The following DAB2IP variants were observed in gnomAD, a reference collection of about 807,000 sequenced individuals.
DAB2IP encodes disabled homolog 2-interacting protein.
Under a neutral mutation model 107.2 loss-of-function variants are expected in DAB2IP, and 28 were observed. The ratio of observed to expected loss-of-function variants is 0.26; its 90% CI spans 0.19 to 0.36. The LOEUF is 0.36. DAB2IP is among the 10% of genes least tolerant of loss of function. The pLI, the probability that DAB2IP is intolerant of heterozygous loss-of-function variation, is 1.00. For missense variants in DAB2IP, 1,400 were observed against 1,644.7 expected (o/e 0.85, Z 2.57); for synonymous variants, 755 against 706.4 (o/e 1.07, Z -1.09).
At chr9:121,589,843 G>A (rs1388054808) in intron 1 of DAB2IP, among the ~76,000 whole-genome samples, 1 of 152,164 alleles carries the variant, frequency 6.6e-6, no homozygotes, top group South Asian at 2.1e-4. Flanking sequence ...GGCCATCCCA[G>A]CTCCCGATGT....
intron 1 of DAB2IP, chr9:121,567,275 T>A: frequency 1.2e-6 from 2 of 1,613,210 alleles, no homozygotes; most frequent in South Asian, 2.2e-5. Flanking sequence ...TCAGCCTCTC[T>A]GCTCAACAGA....
chr9:121,570,105 CTCT>C (rs1829901623), intron 1 of DAB2IP, among the ~76,000 whole-genome samples: 1 of 122,544 alleles, frequency 8.2e-6, no homozygotes, highest in African/African-American at 3.4e-5. Flanking sequence ...TTTTCTCTTT[CTCT>C]TTTTTTTTTT....
At chr9:121,611,137 G>A (rs951128820) in intron 1 of DAB2IP, among the ~76,000 whole-genome samples, 4 of 152,094 alleles carry the variant, frequency 2.6e-5, no homozygotes, top group South Asian at 4.1e-4. Context: ...CACCACGCCC[G>A]GCTAATTGTA....
chr9:121,615,607 A>G (rs1372149176), intron 1 of DAB2IP, among the ~76,000 whole-genome samples: 2 of 145,656 alleles, frequency 1.4e-5, no homozygotes, highest in Admixed American at 1.4e-4. Context: ...GTAGCCAAGG[A>G]CCTGCTTTCA....
exon 16 of DAB2IP, chr9:121,784,238 CTGTCTCACTCTTCT>C (rs1404964065): frequency 1.3e-5 from 2 of 154,202 alleles, no homozygotes; most frequent in African/African-American, 2.4e-5. Flanking sequence ...CCACCCCTTC[CTGTCTCACTCTTCT>C]GTCTTGTCCC....
intron 1 of DAB2IP, among the ~76,000 whole-genome samples, chr9:121,642,025 C>CTTTCTTTCTT (rs1274054146): frequency 0.013 from 142 of 10,816 alleles, 1 homozygote; most frequent in Admixed American, 0.016. Context: ...CTCTCTCTCT[C>CTTTCTTTCTT]TCTCTCTTTC....
chr9:121,739,463 G>C (rs1832162449), intron 3 of DAB2IP, among the ~76,000 whole-genome samples: 1 of 152,246 alleles, frequency 6.6e-6, no homozygotes, highest in African/African-American at 2.4e-5. Context: ...TTGCATTTCT[G>C]AAGGGTCCCT....
At chr9:121,759,695 G>T (rs1192993834) in intron 5 of DAB2IP, among the ~76,000 whole-genome samples, 190 bp from the exon 6 acceptor site, 1 of 152,188 alleles carries the variant, frequency 6.6e-6, no homozygotes, top group African/African-American at 2.4e-5. Flanking sequence ...GTGAGCTTCT[G>T]TGAGGTCGAC....
intron 3 of DAB2IP, among the ~76,000 whole-genome samples, chr9:121,724,780 G>A (rs1400274962): frequency 6.6e-6 from 1 of 152,188 alleles, no homozygotes. Flanking sequence ...TTTTAGCCCA[G>A]TGTCTGTGGC....
intron 12 of DAB2IP, 26 bp from the exon 13 acceptor site, chr9:121,774,234 C>T: frequency 1.3e-6 from 2 of 1,571,700 alleles, no homozygotes; most frequent in Non-Finnish European, 1.7e-6. Context: ...CTCCCTGCAG[C>T]CCCTCACAGC....
At chr9:121,771,137 TG>T (rs952047854) in intron 11 of DAB2IP, among the ~76,000 whole-genome samples, 1 of 152,056 alleles carries the variant, frequency 6.6e-6, no homozygotes, top group African/African-American at 2.4e-5. Context: ...AGTGTTTAGT[TG>T]GGGGTGTTTT....
chr9:121,595,372 C>G (rs970739304), intron 1 of DAB2IP, among the ~76,000 whole-genome samples: 1 of 151,988 alleles, frequency 6.6e-6, no homozygotes, highest in Non-Finnish European at 1.5e-5. Flanking sequence ...GCAGGAGGAT[C>G]GTTTGGGCCC....
At chr9:121,647,414 C>T (rs1462333678), upstream of DAB2IP, among the ~76,000 whole-genome samples, 8 of 152,126 alleles carry the variant, frequency 5.3e-5, no homozygotes, top group Admixed American at 6.6e-5. Flanking sequence ...ACCCTGACAC[C>T]GCAGAGGGAC....
At chr9:121,686,998 GAGTTC>G (rs1477224874) in intron 2 of DAB2IP, among the ~76,000 whole-genome samples, 1 of 152,182 alleles carries the variant, frequency 6.6e-6, no homozygotes. Flanking sequence ...CTTAGGTGGT[GAGTTC>G]AGATGGAGAT....
chr9:121,647,572 G>C (rs978656382), upstream of DAB2IP, among the ~76,000 whole-genome samples: 8 of 151,996 alleles, frequency 5.3e-5, no homozygotes, highest in African/African-American at 1.9e-4. Flanking sequence ...ATGGTTTTCT[G>C]CCTAGAGGGG....
At position 121,760,748 on chromosome 9, in the gene DAB2IP, G is replaced by A. The variant is rs754759971; in HGVS notation, c.1170+309G>A. ...AGGACCGACCCCCTGAGGCGCCAGG[G>A]GAACAGGCTGGGTGGCCACGGCTCT... On this transcript the variant is annotated intron_variant, in intron 6 of 15. Coordinates refer to ENST00000408936, the Ensembl canonical transcript of DAB2IP. The surrounding 1 kb of genome is among the most constrained non-coding windows in gnomAD (Gnocchi z 5.9). Among the ~76,000 whole-genome samples, 20 of 152,124 alleles carry A rather than the reference G, an allele frequency of 1.3e-4. No individual in the cohort carries two copies. Among genetic ancestry groups the A allele is most frequent in the Non-Finnish European group, 2.2e-4 (15 of 68,018 alleles).
chr9:121,753,985 A>T (rs1014023534), intron 3 of DAB2IP, among the ~76,000 whole-genome samples: 2 of 152,162 alleles, frequency 1.3e-5, no homozygotes, highest in Non-Finnish European at 2.9e-5. Context: ...CCAGCATGGG[A>T]TGAAGCCAGG....
rs1384724986 is a variant in DAB2IP at position 121,772,967 on chromosome 9, C to A, written c.2439C>A (p.Ser813=). ...AGACACCAACCACACCAGGCACCTC[C>A]GAGGGCGCGCCAGGCCGGCCCCAGC... The change falls in exon 12 of 16, where the codon TCC becomes TCA. Residue 813 remains serine, a synonymous_variant. Transcript: ENST00000408936. This position sits in a 1 kb window ranked among gnomAD's most constrained non-coding sequence, Gnocchi z 4.7. 5.6e-6 allele frequency: 9 copies of A among 1,593,002 alleles called. No homozygotes were observed. The South Asian group carries it at 9.1e-5, about 16-fold the overall frequency.
At chr9:121,593,128 G>A (rs1418866394) in intron 1 of DAB2IP, among the ~76,000 whole-genome samples, 2 of 152,178 alleles carry the variant, frequency 1.3e-5, no homozygotes, top group East Asian at 3.9e-4. Context: ...CTGCTGCCCA[G>A]GCTGGAGTGC....
Sources: gnomAD v4.1 joint callset for allele counts (sites outside exome capture counted in the v4.1 genomes callset) on GRCh38, gnomAD v4.1.1 for gene constraint, Gnocchi (gnomAD v3.1) non-coding constraint, MANE v1.5 for transcripts, NCBI Gene and HGNC (gene_info 2026-07-23, HGNC 2026-07-21) for gene names.